ITGAE: variants seen among roughly 807,000 people sequenced by gnomAD.
The protein encoded by ITGAE is integrin alpha-E.
ITGAE carries 99 observed loss-of-function variants against 136.5 expected under a neutral mutation model. The observed-to-expected ratio is 0.73, with a 90% CI of 0.62 to 0.86. ITGAE has a LOEUF of 0.86. Ranked by LOEUF, ITGAE falls within the 40% of genes least tolerant of loss-of-function variation. The pLI is 0.00. For missense variants in ITGAE, 1,447 were observed against 1,515.3 expected, an observed-to-expected ratio of 0.95 and a Z score of 0.75; for synonymous variants, 613 against 591.8, an observed-to-expected ratio of 1.04 and a Z score of -0.52.
chr17:3,797,256 C>T (rs2053137215), intron 1 of ITGAE, among the ~76,000 whole-genome samples: 1 of 148,288 alleles, frequency 6.7e-6, no homozygotes, highest in South Asian at 2.1e-4. Flanking sequence ...AGCTCCGCCT[C>T]CCGGGTTCAC....
At chr17:3,781,321 A>AT (rs929976514) in intron 1 of ITGAE, among the ~76,000 whole-genome samples, 4 of 146,514 alleles carry the variant, frequency 2.7e-5, no homozygotes, top group Admixed American at 1.4e-4. Context: ...TTCCTTCTAT[A>AT]TTTTTTTTCT....
At chr17:3,777,687 G>A in intron 1 of ITGAE, 27 bp from the exon 2 acceptor site, 1 of 1,588,972 alleles carries the variant, frequency 6.3e-7, no homozygotes, top group Middle Eastern at 1.7e-4. Flanking sequence ...AGCGTTTAAT[G>A]AAAGAGGCCT....
Position 3,790,255 on chromosome 17 carries a change from C to A in ITGAE, c.34+10856G>T, listed in dbSNP as rs944062503. 3.9e-5 allele frequency among the ~76,000 whole-genome samples: 6 copies of A among 152,250 alleles called. No individual in the cohort carries two copies. In the East Asian group the frequency reaches 1.2e-3, roughly 29 times the overall value. On this transcript the variant is annotated intron_variant, in intron 1 of 30. Coordinates refer to ENST00000263087, the MANE Select transcript of ITGAE (RefSeq NM_002208.5). Reference sequence around the variant, plus strand: ...GGCACAGTGGCTCAGGCCTGTAATCCCAGCATTTTGGGAGGCCGACATGGG... The same window carrying A: ...GGCACAGTGGCTCAGGCCTGTAATCACAGCATTTTGGGAGGCCGACATGGG...
At chr17:3,797,553 T>G (rs1248315009) in intron 1 of ITGAE, among the ~76,000 whole-genome samples, 2 of 147,768 alleles carry the variant, frequency 1.4e-5, no homozygotes, top group Non-Finnish European at 3.0e-5. Context: ...CTCTGCCTCC[T>G]GGGTTCAAGC....
At chr17:3,724,178 G>A in intron 26 of ITGAE, 8 of 1,591,830 alleles carry the variant, frequency 5.0e-6, no homozygotes, top group Non-Finnish European at 6.8e-6. Flanking sequence ...GGCGGCGGAG[G>A]CGTCCCGGCG....
intron 11 of ITGAE, 82 bp from the exon 12 acceptor site, chr17:3,755,343 G>C: frequency 1.4e-6 from 2 of 1,423,066 alleles, no homozygotes; most frequent in Non-Finnish European, 1.8e-6. Flanking sequence ...CCGGGCCAGC[G>C]CGGCTAACCT....
At chr17:3,768,944 T>C (rs1249044960) in intron 2 of ITGAE, among the ~76,000 whole-genome samples, 1 of 152,070 alleles carries the variant, frequency 6.6e-6, no homozygotes. Flanking sequence ...GGGGCAGGGC[T>C]GAGGGGCGGA....
At position 3,751,796 on chromosome 17, in the gene ITGAE, C is replaced by A; in HGVS notation, c.1747G>T (p.Ala583Ser). The A allele has an allele frequency of 6.2e-7, 1 of 1,614,172 alleles. No individual in the cohort carries two copies. Among genetic ancestry groups the A allele is most frequent in the Non-Finnish European group, 8.5e-7 (1 of 1,180,002 alleles). Residue 583 changes from alanine (A) to serine (S), a missense_variant, in exon 15 of 31, where the codon GCT becomes TCT. By Grantham distance (99) the Ala-to-Ser change is moderately conservative. This residue lies in a region of ITGAE where 1,031 missense variants were observed against 1,011.4 expected (regional missense o/e 1.02). Coordinates refer to ENST00000263087, the MANE Select transcript of ITGAE (RefSeq NM_002208.5). ...TNARFGFAMA[A>S]MGDLSQDKLT... ...TTATCCTGACTGAGATCCCCCATAG[C>A]CGCCATGGCAAAGCCAAAGCGGGCA...
intron 19 of ITGAE, 53 bp from the exon 20 acceptor site, chr17:3,739,931 C>A (rs562008137): frequency 1.4e-6 from 2 of 1,449,782 alleles, no homozygotes; most frequent in Non-Finnish European, 1.9e-6. Flanking sequence ...TCCCCAGCAG[C>A]CCTGCCTCCG....
intron 1 of ITGAE, 34 bp downstream of exon 1, chr17:3,801,077 G>T: frequency 6.2e-7 from 1 of 1,611,190 alleles, no homozygotes; most frequent in Non-Finnish European, 8.5e-7. Flanking sequence ...TGAGGGCACA[G>T]CAGCCCCTCG....
chr17:3,727,844 C>T, intron 26 of ITGAE, 75 bp downstream of exon 26: 3 of 950,606 alleles, frequency 3.2e-6, no homozygotes, highest in Non-Finnish European at 5.1e-6. Context: ...GTTTCTAGAA[C>T]TCTGGTTTTT....
At chr17:3,751,051 C>T (rs1182143292) in intron 15 of ITGAE, among the ~76,000 whole-genome samples, 6 of 151,756 alleles carry the variant, frequency 4.0e-5, no homozygotes, top group Non-Finnish European at 2.9e-5. Context: ...AGGCTGTGAG[C>T]GTGCTGAGGA....
intron 3 of ITGAE, among the ~76,000 whole-genome samples, chr17:3,763,624 C>T (rs557385014): frequency 2.6e-5 from 4 of 152,108 alleles, no homozygotes; most frequent in South Asian, 2.1e-4. Flanking sequence ...AGGGTGGGCA[C>T]GCAATACGCT....
intron 1 of ITGAE, among the ~76,000 whole-genome samples, chr17:3,783,407 G>A (rs1005460794): frequency 7.4e-4 from 112 of 152,286 alleles, no homozygotes; most frequent in Non-Finnish European, 6.2e-4. Flanking sequence ...GCCTCCCAAA[G>A]TGCTGGGATT....
chr17:3,728,652 C>T (rs1046395033), intron 24 of ITGAE, among the ~76,000 whole-genome samples: 35 of 149,656 alleles, frequency 2.3e-4, no homozygotes, highest in African/African-American at 7.6e-4. Flanking sequence ...GGATGACAGG[C>T]GTGAGCCACC....
At chr17:3,800,196 T>G (rs777518796) in intron 1 of ITGAE, among the ~76,000 whole-genome samples, 12 of 152,238 alleles carry the variant, frequency 7.9e-5, no homozygotes, top group Non-Finnish European at 1.6e-4. Context: ...ACCCTACACA[T>G]TGTGGCCTGC....
chr17:3,779,691 C>T (rs991156708), intron 1 of ITGAE, among the ~76,000 whole-genome samples: 1 of 152,064 alleles, frequency 6.6e-6, no homozygotes. Flanking sequence ...GATAGATATA[C>T]GTGATAAAAG....
Position 3,790,963 on chromosome 17 carries a change from G to T in ITGAE, c.34+10148C>A, listed in dbSNP as rs571070830. Among the ~76,000 whole-genome samples, 57 of 152,026 alleles carry T rather than the reference G, an allele frequency of 3.7e-4. No homozygotes were observed. In the East Asian group the frequency reaches 0.011, roughly 30 times the overall value. ...AGGTCAGGAGATCGAGACCGTCCTG[G>T]CTAACACGGTGAAACCCCTTCTCTA... On this transcript the variant is annotated intron_variant, in intron 1 of 30. Coordinates refer to ENST00000263087, the MANE Select transcript of ITGAE (RefSeq NM_002208.5).
chr17:3,743,600 G>C lies in ITGAE; in HGVS notation c.2337C>G (p.Cys779Trp). 1 of 1,613,370 alleles carries C rather than the reference G, an allele frequency of 6.2e-7. No individual in the cohort carries two copies. Among genetic ancestry groups the C allele is most frequent in the Non-Finnish European group, 8.5e-7 (1 of 1,179,708 alleles). Residue 779 changes from cysteine to tryptophan, a missense_variant, in exon 19 of 31, where the codon TGC becomes TGG. This residue lies in a region of ITGAE where 1,031 missense variants were observed against 1,011.4 expected (regional missense o/e 1.02). Coordinates refer to ENST00000263087, the MANE Select transcript of ITGAE (RefSeq NM_002208.5). ...PTEGELCEED[C>W]FSNASVKVSY... ...TGACTTTGACACTGGCATTGGAGAA[G>C]CAGTCCTCCTCACAGAGCTGTGGGG...
Sources: gnomAD v4.1 joint callset for allele counts (sites outside exome capture counted in the v4.1 genomes callset) on GRCh38, gnomAD v4.1.1 for gene constraint, gnomAD v4.1.1 regional missense constraint, MANE v1.5 for transcripts, NCBI Gene and HGNC (gene_info 2026-07-23, HGNC 2026-07-21) for gene names.